FOCAD: variants seen among roughly 807,000 people sequenced by gnomAD.
FOCAD encodes KIAA1797.
A neutral mutation model predicts 225.6 loss-of-function variants in FOCAD; 198 were observed. The observed-to-expected ratio is 0.88, with a 90% CI of 0.78 to 0.99. FOCAD has a LOEUF of 0.99. Among genes scored for constraint, FOCAD ranks in the 50% least tolerant of loss-of-function variants. The probability of loss-of-function intolerance (pLI) is 0.00; values close to 1 mark genes in which losing one functional copy is unlikely to be tolerated. For synonymous variants in FOCAD, 897 were observed against 755.0 expected (o/e 1.19, Z -3.08); for missense variants, 2,713 against 2,123.6 (o/e 1.28, Z -5.46).
chr9:20,809,160 T>C (rs930764530), intron 11 of FOCAD, among the ~76,000 whole-genome samples: 2 of 152,212 alleles, frequency 1.3e-5, no homozygotes, highest in South Asian at 4.1e-4. Flanking sequence ...ATTTAATGTA[T>C]GTAACTGTTT....
chr9:20,694,755 C>G (rs916212285), intron 1 of FOCAD, among the ~76,000 whole-genome samples: 6 of 152,106 alleles, frequency 3.9e-5, no homozygotes, highest in Non-Finnish European at 8.8e-5. Context: ...TTTTTCTTCC[C>G]TAGTAATTGT....
intron 29 of FOCAD, among the ~76,000 whole-genome samples, chr9:20,946,367 G>C (rs1477048405): frequency 6.6e-6 from 1 of 152,152 alleles, no homozygotes; most frequent in Non-Finnish European, 1.5e-5. Context: ...TTCTGCTGTT[G>C]ATAGGTGCTG....
intron 15 of FOCAD, among the ~76,000 whole-genome samples, chr9:20,847,072 A>G (rs1394863760): frequency 6.6e-6 from 1 of 152,122 alleles, no homozygotes; most frequent in Non-Finnish European, 1.5e-5. Context: ...CTTTATTGAG[A>G]TAAAATTTAT....
chr9:20,948,152 A>T, intron 30 of FOCAD, 119 bp from the exon 31 acceptor site: 1 of 987,244 alleles, frequency 1.0e-6, no homozygotes, highest in Middle Eastern at 2.8e-4. Flanking sequence ...CATATGACAA[A>T]TACAGCTTGT....
At chr9:20,821,622 G>A (rs574781297) in intron 14 of FOCAD, among the ~76,000 whole-genome samples, 10 of 152,144 alleles carry the variant, frequency 6.6e-5, no homozygotes, top group African/African-American at 2.2e-4. Flanking sequence ...ACAGGGTGGA[G>A]GTGACAAGAC....
rs539454021 is a variant in FOCAD, at chr9:20,926,961, ATAT to A, written c.3078+547_3078+549del. On this transcript the variant is annotated intron_variant, in intron 26 of 43. Transcript: ENST00000338382. Reference sequence around the variant, plus strand: ...TAAATTATAAGAAATATGTGTGTAAATATTAATGTTATATATGTACGTACATAT... The same window carrying A: ...TAAATTATAAGAAATATGTGTGTAAATAATGTTATATATGTACGTACATAT... Among the ~76,000 whole-genome samples the A allele has an allele frequency of 2.4e-3, 364 of 150,746 alleles. 1 individual carries two copies. The highest frequency in any genetic ancestry group is 7.9e-3 in the African/African-American group (327 of 41,234).
intron 1 of FOCAD, among the ~76,000 whole-genome samples, chr9:20,689,219 G>A (rs1181863785): frequency 3.3e-5 from 5 of 152,180 alleles, no homozygotes; most frequent in Admixed American, 6.5e-5. Context: ...GGTGCAGATG[G>A]CGTGTAGGGT....
chr9:20,761,470 G>C (rs1829589929), intron 6 of FOCAD, among the ~76,000 whole-genome samples: 1 of 151,994 alleles, frequency 6.6e-6, no homozygotes, highest in South Asian at 2.1e-4. Context: ...GCCCAGGCTG[G>C]AGTGCAGTGG....
At chr9:20,995,352 G>A (rs1200408148) in intron 43 of FOCAD, among the ~76,000 whole-genome samples, 2 of 111,198 alleles carry the variant, frequency 1.8e-5, no homozygotes, top group Non-Finnish European at 3.6e-5. Flanking sequence ...ACTGATTGCA[G>A]GGTAACTTAA....
chr9:20,894,054 C>T, intron 21 of FOCAD, among the ~76,000 whole-genome samples: 1 of 152,084 alleles, frequency 6.6e-6, no homozygotes, highest in South Asian at 2.1e-4. Flanking sequence ...CTCTCTAACT[C>T]CGTGTGACCA....
chr9:20,877,921 C>T (rs1830362709), intron 19 of FOCAD, among the ~76,000 whole-genome samples: 1 of 152,000 alleles, frequency 6.6e-6, no homozygotes, highest in South Asian at 2.1e-4. Context: ...AACAAACAAA[C>T]AAACAAAAAC....
At chr9:20,987,760 A>G (rs1483880041) in intron 40 of FOCAD, among the ~76,000 whole-genome samples, 1 of 152,224 alleles carries the variant, frequency 6.6e-6, no homozygotes, top group East Asian at 1.9e-4. Flanking sequence ...CCAGCTCTCA[A>G]ATGCAGTTCC....
At chr9:20,707,424 G>T (rs545503744) in intron 1 of FOCAD, among the ~76,000 whole-genome samples, 8 of 152,198 alleles carry the variant, frequency 5.3e-5, no homozygotes, top group African/African-American at 1.7e-4. Context: ...ACAATTTGGG[G>T]TCTTGGGGTG....
At chr9:20,817,953 A>G (rs571904112) in intron 11 of FOCAD, among the ~76,000 whole-genome samples, 1 of 152,308 alleles carries the variant, frequency 6.6e-6, no homozygotes, top group East Asian at 1.9e-4. Context: ...CTATTTAAGA[A>G]ATTGATAGAA....
intron 11 of FOCAD, among the ~76,000 whole-genome samples, chr9:20,804,784 G>A (rs1014814687): frequency 5.9e-5 from 9 of 151,592 alleles, no homozygotes; most frequent in African/African-American, 1.9e-4. Context: ...ATATTTTAGC[G>A]GTAAATGACA....
chr9:20,794,664 G>A (rs1172080690), intron 11 of FOCAD, among the ~76,000 whole-genome samples: 2 of 151,982 alleles, frequency 1.3e-5, no homozygotes, highest in South Asian at 2.1e-4. Flanking sequence ...AAGGATGAAG[G>A]GAAAATTGTA....
chr9:20,922,813 C>G (rs1036624988), intron 24 of FOCAD, among the ~76,000 whole-genome samples: 1 of 152,182 alleles, frequency 6.6e-6, no homozygotes, highest in African/African-American at 2.4e-5. Flanking sequence ...CTGTTATAAA[C>G]GAATTGGCAA....
intron 1 of FOCAD, among the ~76,000 whole-genome samples, chr9:20,687,858 G>C (rs189944699): frequency 3.2e-3 from 493 of 152,260 alleles, no homozygotes; most frequent in Non-Finnish European, 4.3e-3. Context: ...ATAGTATAGT[G>C]GGGGATAGAG....
rs554244583 is a variant in FOCAD at position 20,989,635 on chromosome 9, A to G, written c.5005-488A>G. On this transcript the variant is annotated intron_variant, in intron 41 of 43. Coordinates refer to ENST00000338382, the MANE Select transcript of FOCAD (RefSeq NM_001375567.1). Reference sequence around the variant, plus strand: ...AGAGTTCAAGATCACTCTGGGCAACATAGTGAGACCCCATTTCTTAAAACA... The same window carrying G: ...AGAGTTCAAGATCACTCTGGGCAACGTAGTGAGACCCCATTTCTTAAAACA... Among the ~76,000 whole-genome samples, 60 of 152,350 alleles carry G rather than the reference A, an allele frequency of 3.9e-4. No individual in the cohort carries two copies. In the South Asian group the frequency reaches 0.012, roughly 30 times the overall value.
Sources: gnomAD v4.1 joint callset for allele counts (sites outside exome capture counted in the v4.1 genomes callset) on GRCh38, gnomAD v4.1.1 for gene constraint, MANE v1.5 for transcripts, NCBI Gene and HGNC (gene_info 2026-07-23, HGNC 2026-07-21) for gene names.